KAT5: variants seen among roughly 807,000 people sequenced by gnomAD.
KAT5 encodes lysine acetyltransferase 5, also known as histone acetyltransferase KAT5.
Under a neutral mutation model 68.1 loss-of-function variants are expected in KAT5, and 31 were observed. That is an observed-to-expected ratio of 0.46 (90% CI 0.34 to 0.61). KAT5 has a LOEUF of 0.61. Among genes scored for constraint, KAT5 ranks in the 20% least tolerant of loss-of-function variants. The pLI, the probability that KAT5 is intolerant of heterozygous loss-of-function variation, is 0.01. For synonymous variants in KAT5, 365 were observed against 292.6 expected, an observed-to-expected ratio of 1.25 and a Z score of -2.52; for missense variants, 451 against 725.5, an observed-to-expected ratio of 0.62 and a Z score of 4.35.
intron 8 of KAT5, among the ~76,000 whole-genome samples, chr11:65,715,756 G>A (rs770459560): frequency 6.7e-6 from 1 of 148,506 alleles, no homozygotes; most frequent in Non-Finnish European, 1.5e-5. Context: ...AAGACTTCGT[G>A]TAAAAAAAAT....
intron 8 of KAT5, 105 bp from the exon 9 acceptor site, chr11:65,716,562 C>A: frequency 2.7e-6 from 3 of 1,093,324 alleles, no homozygotes; most frequent in East Asian, 4.7e-5. Context: ...CATCACCTAG[C>A]AGCCTGGGGC....
In KAT5 at chr11:65,718,705, G is replaced by A. The variant is rs762943848; in HGVS notation, c.1380G>A (p.Met460Ile). The change falls in exon 11 of 13, where the codon ATG (methionine) becomes ATA (isoleucine). Residue 460 changes from methionine (M) to isoleucine (I), a missense_variant. Coordinates refer to ENST00000341318, the MANE Select transcript of KAT5 (RefSeq NM_182710.3). ...CCCAGACCATCCTGGAGATCCTGAT[G>A]GGGCTGAAGTCGGAGAGCGGGGAGA... Reference protein sequence around the residue: ...YWSQTILEILMGLKSESGERP... With the variant: ...YWSQTILEILIGLKSESGERP... 1.8e-5 allele frequency: 29 copies of A among 1,614,054 alleles called. No homozygotes were observed. Among genetic ancestry groups the A allele is most frequent in the Non-Finnish European group, 2.5e-5 (29 of 1,180,024 alleles).
At position 65,714,342 on chromosome 11, in the gene KAT5, G is replaced by A. The variant is rs928721442; in HGVS notation, c.691-153G>A. On this transcript the variant is annotated intron_variant, in intron 6 of 12. Transcript: ENST00000341318. The stretch of plus-strand genomic sequence containing the variant: ...CTTTTCCACATCATCGATCCTTTAG[G>A]GTTTCAGGTTTTTTATCTGGAAATT... 3.7e-6 allele frequency: 3 copies of A among 808,720 alleles called. No homozygotes were observed. The African/African-American group carries it at 5.2e-5, about 14-fold the overall frequency. The allele number at this position is 808,720 out of a possible 1,614,324, so 50.1% of individuals were successfully genotyped here.
intron 1 of KAT5, 112 bp downstream of exon 1, chr11:65,712,557 A>G: frequency 7.4e-7 from 1 of 1,354,398 alleles, no homozygotes; most frequent in South Asian, 1.3e-5. Flanking sequence ...CGAGGCGCAG[A>G]TACTTTGATG....
chr11:65,714,437 T>G (rs1857129916), intron 6 of KAT5, 58 bp from the exon 7 acceptor site: 2 of 1,581,666 alleles, frequency 1.3e-6, no homozygotes, highest in Non-Finnish European at 1.7e-6. Context: ...GGCTGTGAGC[T>G]GTGGTGTCCT....
At position 65,719,274 on chromosome 11, in the gene KAT5, G is replaced by A; in HGVS notation, c.*93G>A. ...CTGCAGCTCCCACAAAGCACTCTAA[G>A]GGAGATGGGGCTGAGGACAGCTCAA... On this transcript the variant is annotated 3_prime_UTR_variant, in exon 13 of 13. Transcript: ENST00000341318. 3 of 1,447,090 alleles carry A rather than the reference G, an allele frequency of 2.1e-6. No individual in the cohort carries two copies. In the Admixed American group the frequency reaches 5.5e-5, roughly 27 times the overall value. The allele number at this position is 1,447,090 out of a possible 1,614,324, so 89.6% of individuals were successfully genotyped here. A position where few individuals can be genotyped will look rare whatever the true frequency, so the allele number is the denominator to read the frequency against.
intron 8 of KAT5, 153 bp downstream of exon 8, chr11:65,715,063 A>G (rs1857149152): frequency 8.8e-6 from 6 of 678,892 alleles, no homozygotes; most frequent in South Asian, 8.5e-5. Flanking sequence ...CAGGAATGAG[A>G]CAGTCTCTGT....
Position 65,719,085 on chromosome 11 carries a change from T to C in KAT5, c.1545T>C (p.Asp515=), listed in dbSNP as rs1857307232. Reference sequence around the variant, plus strand: ...TCACACTGTCAGAGGACATCGTGGATGGCCATGAGCGGGCCATGCTCAAGC... The same window carrying C: ...TCACACTGTCAGAGGACATCGTGGACGGCCATGAGCGGGCCATGCTCAAGC... ...YILTLSEDIV[D]GHERAMLKRL... is the part of the protein sequence containing the mutation. Residue 515 remains aspartate, a synonymous_variant, in exon 13 of 13, where the codon GAT becomes GAC. Transcript: ENST00000341318. 1 of 1,614,184 alleles carries C rather than the reference T, an allele frequency of 6.2e-7. No individual in the cohort carries two copies. The highest frequency in any genetic ancestry group is 8.5e-7 in the Non-Finnish European group (1 of 1,180,026).
rs1857108516 is a variant in KAT5, at chr11:65,713,806, G to C, written c.648G>C (p.Gln216His). The change falls in exon 6 of 13, where the codon CAG (glutamine) becomes CAC (histidine). Residue 216 changes from glutamine to histidine, a missense_variant. Physicochemically the swap from Gln to His is conservative, Grantham distance 24 (BLOSUM62 0). This residue lies in a region of KAT5 where 135 missense variants were observed against 173.4 expected (regional missense o/e 0.78). Transcript: ENST00000341318. The part of the protein sequence containing the change: ...NGAARRAVAA[Q>H]PGRKRKSNCL... ...CCGCCCGTAGGGCAGTGGCAGCCCA[G>C]CCAGGACGGAAGCGAAAATCGAATT... 2 of 1,606,726 alleles carry C rather than the reference G, an allele frequency of 1.2e-6. No homozygotes were observed. Among genetic ancestry groups the C allele is most frequent in the Non-Finnish European group, 1.7e-6 (2 of 1,176,578 alleles).
intron 5 of KAT5, 25 bp downstream of exon 5, chr11:65,713,692 T>A (rs1219596729): frequency 6.2e-7 from 1 of 1,613,852 alleles, no homozygotes; most frequent in Admixed American, 1.7e-5. Flanking sequence ...CCATCTCTTG[T>A]TCTCTTCCTC....
rs1857310737 is a variant in KAT5 at position 65,719,167 on chromosome 11, A to C, written c.1627A>C (p.Arg543=). The C allele has an allele frequency of 6.2e-7, 1 of 1,613,924 alleles. No individual in the cohort carries two copies. The highest frequency in any genetic ancestry group is 1.3e-5 in the African/African-American group (1 of 74,946). The change falls in exon 13 of 13, where the codon AGG becomes CGG. Residue 543 remains arginine (R), a synonymous_variant. Transcript: ENST00000341318. ...LHFTPKDWSK[R]GKW ...CTTCACTCCCAAGGACTGGAGCAAG[A>C]GGGGGAAGTGGTGACCAGACACTGC...
intron 8 of KAT5, 187 bp from the exon 9 acceptor site, chr11:65,716,479 TC>T: frequency 1.7e-6 from 1 of 604,654 alleles, no homozygotes. Context: ...CACAGGCTTT[TC>T]AACACTGAGG....
Position 65,713,292 on chromosome 11 carries a change from T to C in KAT5, c.385-56T>C. On this transcript the variant is annotated intron_variant, in intron 3 of 12. Transcript: ENST00000341318. Reference sequence around the variant, plus strand: ...TGAGGTGAGGGACCCCTCTTCCCCTTCCCCATCCCACTGCCATCCCCGCCC... The same window carrying C: ...TGAGGTGAGGGACCCCTCTTCCCCTCCCCCATCCCACTGCCATCCCCGCCC... 1.9e-6 allele frequency: 3 copies of C among 1,570,504 alleles called. No individual in the cohort carries two copies. In the South Asian group the frequency reaches 3.4e-5, roughly 18 times the overall value.
chr11:65,718,967 G>A lies in KAT5; in HGVS notation c.1506+13G>A. ...CAACTACTACAAGGTAGGGAGGCAG[G>A]CAGGGGAGACAGGTGTGTGGGATGC... On this transcript the variant is annotated intron_variant, in intron 12 of 12. Transcript: ENST00000341318. The A allele has an allele frequency of 1.2e-6, 2 of 1,614,130 alleles. No individual in the cohort carries two copies. The highest frequency in any genetic ancestry group is 1.7e-6 in the Non-Finnish European group (2 of 1,179,980).
intron 7 of KAT5, 22 bp from the exon 8 acceptor site, chr11:65,714,797 TCC>T (rs1857141755): frequency 1.2e-6 from 2 of 1,614,222 alleles, no homozygotes; most frequent in Non-Finnish European, 1.7e-6. Flanking sequence ...TTGCCCTTGT[TCC>T]TGATCCTCCT....
At chr11:65,716,633 T>C (rs766895747) in intron 8 of KAT5, 34 bp from the exon 9 acceptor site, 1 of 1,606,494 alleles carries the variant, frequency 6.2e-7, no homozygotes, top group South Asian at 1.1e-5. Flanking sequence ...CAAGGCGGGA[T>C]ACCCAGAGTG....
intron 9 of KAT5, 38 bp from the exon 10 acceptor site, chr11:65,716,851 G>T: frequency 6.2e-7 from 1 of 1,613,946 alleles, no homozygotes; most frequent in Non-Finnish European, 8.5e-7. Context: ...TCCTGAGCCA[G>T]ATCCCTTCCC....
At position 65,717,005 on chromosome 11, in the gene KAT5, G is replaced by C. The variant is rs747970817; in HGVS notation, c.1264+23G>C. On this transcript the variant is annotated intron_variant, in intron 10 of 12. Transcript: ENST00000341318. The stretch of plus-strand genomic sequence containing the variant: ...TCAGTGAGTATGTGTGCTGCGGCCA[G>C]GGGGTAGTGGACCCACTATCGGTGC... 13 of 1,566,828 alleles carry C rather than the reference G, an allele frequency of 8.3e-6. No individual in the cohort carries two copies. The South Asian group carries it at 1.0e-4, about 12-fold the overall frequency.
chr11:65,712,094 A>G, upstream of KAT5: 1 of 575,838 alleles, frequency 1.7e-6, no homozygotes, highest in Non-Finnish European at 2.9e-6. Flanking sequence ...TGAGGCTTGT[A>G]ACACTCCGTT....
Sources: allele counts gnomAD v4.1 joint callset (sites outside exome capture counted in the v4.1 genomes callset), GRCh38; gene constraint gnomAD v4.1.1; regional missense constraint gnomAD v4.1.1; transcripts MANE v1.5; gene names NCBI Gene and HGNC (gene_info 2026-07-23, HGNC 2026-07-21).